The following C1QTNF3 variants were observed in gnomAD, a reference collection of about 807,000 sequenced individuals.
The protein encoded by C1QTNF3 is complement C1q tumor necrosis factor-related protein 3.
Under a neutral mutation model 32.6 loss-of-function variants are expected in C1QTNF3, and 26 were observed. That is an observed-to-expected ratio of 0.80 (90% CI 0.58 to 1.11). The LOEUF (loss-of-function observed/expected upper bound fraction) is 1.11. Ranked by LOEUF, C1QTNF3 falls within the 50% of genes least tolerant of loss-of-function variation. The pLI is 0.00. For missense variants in C1QTNF3, 362 were observed against 398.2 expected (o/e 0.91, Z 0.77); for synonymous variants, 155 against 146.0 (o/e 1.06, Z -0.44).
chr5:34,202,210 A>C, the C1QTNF3 span, among the ~76,000 whole-genome samples: 2 of 151,966 alleles, frequency 1.3e-5, no homozygotes, highest in Non-Finnish European at 2.9e-5. Flanking sequence ...GAGTGGAACG[A>C]AAGTTGAGGA....
the C1QTNF3 span, among the ~76,000 whole-genome samples, chr5:34,050,137 G>C: frequency 6.6e-6 from 1 of 152,174 alleles, no homozygotes; most frequent in Non-Finnish European, 1.5e-5. Flanking sequence ...AGAGAAGATA[G>C]GATAAGCCTT....
the C1QTNF3 span, among the ~76,000 whole-genome samples, chr5:34,137,306 G>A: frequency 6.6e-6 from 1 of 152,132 alleles, no homozygotes; most frequent in African/African-American, 2.4e-5. Flanking sequence ...TAACTTTAAT[G>A]CCTTAGTTCA....
chr5:34,027,608 G>A (rs981149948), intron 4 of C1QTNF3, among the ~76,000 whole-genome samples: 1 of 152,028 alleles, frequency 6.6e-6, no homozygotes, highest in African/African-American at 2.4e-5. Flanking sequence ...TGAGTGGGGA[G>A]GATCGCTTGA....
At chr5:34,028,950 T>G (rs1287438819) in intron 3 of C1QTNF3, 67 bp from the exon 4 acceptor site, 1 of 1,431,572 alleles carries the variant, frequency 7.0e-7, no homozygotes, top group African/African-American at 1.4e-5. Context: ...TTTATGCAGA[T>G]TAGTTTGTTA....
the C1QTNF3 span, among the ~76,000 whole-genome samples, chr5:34,137,612 C>G: frequency 1.3e-5 from 2 of 152,184 alleles, no homozygotes; most frequent in African/African-American, 4.8e-5. Context: ...AAATGATTTT[C>G]TAAGTCTTTG....
At chr5:34,153,979 T>C in the C1QTNF3 span, among the ~76,000 whole-genome samples, 9 of 151,806 alleles carry the variant, frequency 5.9e-5, no homozygotes, top group East Asian at 3.9e-4. Context: ...AATAATTAGA[T>C]AGTATAGATT....
intron 1 of C1QTNF3, among the ~76,000 whole-genome samples, chr5:34,040,394 C>A (rs908038054): frequency 4.6e-5 from 7 of 151,296 alleles, no homozygotes; most frequent in African/African-American, 1.7e-4. Context: ...AAACCTCCTG[C>A]CCCAAAAAAA....
intron 1 of C1QTNF3, among the ~76,000 whole-genome samples, chr5:34,037,784 A>G (rs568263501): frequency 1.3e-5 from 2 of 152,286 alleles, no homozygotes; most frequent in South Asian, 4.1e-4. Context: ...TATCTGAGGG[A>G]TTTCAGGACA....
chr5:34,082,949 T>G, the C1QTNF3 span, among the ~76,000 whole-genome samples: 1 of 151,756 alleles, frequency 6.6e-6, no homozygotes, highest in Non-Finnish European at 1.5e-5. Flanking sequence ...ATAATACTAT[T>G]GTACAAATGT....
chr5:34,160,623 A>C, the C1QTNF3 span, among the ~76,000 whole-genome samples: 1 of 152,062 alleles, frequency 6.6e-6, no homozygotes, highest in African/African-American at 2.4e-5. Flanking sequence ...TGCAATCTCA[A>C]CTCCACCACT....
chr5:34,208,766 TTAAC>T, the C1QTNF3 span, among the ~76,000 whole-genome samples: 2 of 152,224 alleles, frequency 1.3e-5, no homozygotes, highest in Non-Finnish European at 2.9e-5. Context: ...AGTCACTATA[TTAAC>T]TATTAGGATA....
chr5:34,153,853 T>TAATTAAA, the C1QTNF3 span, among the ~76,000 whole-genome samples: 2 of 32,848 alleles, frequency 6.1e-5, no homozygotes, highest in Non-Finnish European at 1.4e-4. Flanking sequence ...ACTTAGAGTA[T>TAATTAAA]AAAAAAAAAA....
the C1QTNF3 span, among the ~76,000 whole-genome samples, chr5:34,081,114 G>A: frequency 6.6e-6 from 1 of 151,632 alleles, no homozygotes; most frequent in East Asian, 1.9e-4. Flanking sequence ...CTTTGAACAA[G>A]GTTGGTAAAA....
the C1QTNF3 span, among the ~76,000 whole-genome samples, chr5:34,146,826 A>G: frequency 7.9e-5 from 12 of 152,244 alleles, no homozygotes; most frequent in African/African-American, 2.4e-4. Context: ...ATGTAATTAA[A>G]CTAAATTGCT....
the C1QTNF3 span, among the ~76,000 whole-genome samples, chr5:34,077,807 T>C: frequency 6.6e-6 from 1 of 151,458 alleles, no homozygotes; most frequent in South Asian, 2.1e-4. Flanking sequence ...GAGCTGATAA[T>C]AGCTAAGCAG....
the C1QTNF3 span, among the ~76,000 whole-genome samples, chr5:34,169,451 T>A: frequency 1.3e-5 from 2 of 152,142 alleles, no homozygotes; most frequent in Admixed American, 1.3e-4. Context: ...GCCCATTTTT[T>A]AATCAGATTA....
intron 1 of C1QTNF3, among the ~76,000 whole-genome samples, chr5:34,037,896 G>T (rs1754780055): frequency 1.3e-5 from 2 of 152,178 alleles, no homozygotes; most frequent in African/African-American, 4.8e-5. Flanking sequence ...TTGCCAATGT[G>T]AAATTCAGCC....
the C1QTNF3 span, among the ~76,000 whole-genome samples, chr5:34,056,485 G>GT: frequency 2.7e-5 from 1 of 36,950 alleles, no homozygotes; most frequent in Non-Finnish European, 5.9e-5. Context: ...TATATAGAGA[G>GT]AGAGAGAGAG....
chr5:34,177,176 G>A, the C1QTNF3 span, among the ~76,000 whole-genome samples: 80 of 152,294 alleles, frequency 5.3e-4, no homozygotes, highest in Middle Eastern at 0.014. Context: ...GCAACAGAGT[G>A]AGGCTGTCTC....
Sources: allele counts gnomAD v4.1 joint callset (sites outside exome capture counted in the v4.1 genomes callset), GRCh38; gene constraint gnomAD v4.1.1; transcripts MANE v1.5; gene names NCBI Gene and HGNC (gene_info 2026-07-23, HGNC 2026-07-21).